The following STPG2 variants were observed in gnomAD, a reference collection of about 807,000 sequenced individuals.
STPG2 encodes the protein sperm tail PG-rich repeat containing 2.
A neutral mutation model predicts 54.2 loss-of-function variants in STPG2; 56 were observed. The observed-to-expected ratio is 1.03, with a 90% CI of 0.83 to 1.29. The LOEUF is 1.29. Among genes scored for constraint, STPG2 ranks in the 50% most tolerant of loss-of-function variants. STPG2 has a pLI of 0.00. For missense variants in STPG2, 596 were observed against 544.9 expected (o/e 1.09, Z -0.93); for synonymous variants, 200 against 181.8 (o/e 1.10, Z -0.81).
At chr4:97,571,419 TACGGC>T in intron 10 of STPG2, among the ~76,000 whole-genome samples, 1 of 152,258 alleles carries the variant, frequency 6.6e-6, no homozygotes, top group East Asian at 1.9e-4. Context: ...ATTATACCTC[TACGGC>T]ACTAACATCA....
chr4:97,801,502 AT>A (rs1727396511), intron 9 of STPG2, among the ~76,000 whole-genome samples: 1 of 152,114 alleles, frequency 6.6e-6, no homozygotes, highest in Admixed American at 6.5e-5. Context: ...TTGCACAACG[AT>A]TTCTTTTGCC....
chr4:98,054,278 C>T (rs1737416087), intron 5 of STPG2, among the ~76,000 whole-genome samples: 1 of 152,116 alleles, frequency 6.6e-6, no homozygotes, highest in African/African-American at 2.4e-5. Context: ...ACAAAAAGCA[C>T]AGGTGTTACT....
intron 4 of STPG2, among the ~76,000 whole-genome samples, chr4:97,511,155 A>G (rs2148840539): frequency 6.6e-6 from 1 of 152,244 alleles, no homozygotes; most frequent in African/African-American, 2.4e-5. Flanking sequence ...CTATAATCAA[A>G]ACAGAGACAC....
intron 9 of STPG2, among the ~76,000 whole-genome samples, chr4:97,796,377 A>C (rs955371406): frequency 6.6e-6 from 1 of 152,150 alleles, no homozygotes; most frequent in Non-Finnish European, 1.5e-5. Context: ...TAATTTTTTT[A>C]TAAGGTGTAA....
At chr4:98,043,397 T>C (rs1008051880) in intron 5 of STPG2, among the ~76,000 whole-genome samples, 5 of 152,216 alleles carry the variant, frequency 3.3e-5, no homozygotes, top group African/African-American at 9.6e-5. Context: ...TGTCTTGTAG[T>C]TCTTTTGTCC....
At chr4:97,706,355 T>C (rs1159708707) in intron 10 of STPG2, among the ~76,000 whole-genome samples, 4 of 152,280 alleles carry the variant, frequency 2.6e-5, no homozygotes, top group Admixed American at 1.3e-4. Context: ...TATTAGAAAG[T>C]TGGCATTTGT....
At chr4:98,024,071 G>C (rs1736333158) in intron 5 of STPG2, among the ~76,000 whole-genome samples, 1 of 152,204 alleles carries the variant, frequency 6.6e-6, no homozygotes, top group Admixed American at 6.5e-5. Context: ...TCCCTAGTGA[G>C]ATGAACCTGG....
chr4:97,814,579 G>C (rs909507060), intron 9 of STPG2, among the ~76,000 whole-genome samples: 24 of 152,100 alleles, frequency 1.6e-4, no homozygotes, highest in Non-Finnish European at 2.9e-4. Context: ...AACTTGATTG[G>C]ATTGAAGGAT....
chr4:97,910,855 C>T (rs1731651737), intron 8 of STPG2, among the ~76,000 whole-genome samples: 1 of 152,082 alleles, frequency 6.6e-6, no homozygotes, highest in Non-Finnish European at 1.5e-5. Context: ...AATTAGGGGG[C>T]AGGCCAAGAT....
At chr4:97,571,862 G>A (rs1157971963) in intron 10 of STPG2, among the ~76,000 whole-genome samples, 8 of 152,002 alleles carry the variant, frequency 5.3e-5, no homozygotes, top group Admixed American at 3.3e-4. Context: ...GACTCTTTTC[G>A]TTGACATATC....
At chr4:97,784,195 A>C (rs1387811969) in intron 9 of STPG2, among the ~76,000 whole-genome samples, 3 of 152,168 alleles carry the variant, frequency 2.0e-5, no homozygotes. Flanking sequence ...AATGAAGATT[A>C]TATGCTATAT....
intron 10 of STPG2, among the ~76,000 whole-genome samples, chr4:97,574,972 G>A (rs1171707285): frequency 3.3e-5 from 5 of 151,766 alleles, no homozygotes; most frequent in Non-Finnish European, 5.9e-5. Context: ...AAAATCACAC[G>A]GAAATACAAA....
intron 4 of STPG2, among the ~76,000 whole-genome samples, chr4:97,528,645 G>A (rs1041322558): frequency 4.0e-5 from 6 of 151,854 alleles, no homozygotes; most frequent in Non-Finnish European, 1.5e-5. Flanking sequence ...GGAATGTTTT[G>A]CCATTTGTTT....
At chr4:97,830,557 C>T (rs1490004335) in intron 9 of STPG2, among the ~76,000 whole-genome samples, 1 of 151,994 alleles carries the variant, frequency 6.6e-6, no homozygotes, top group Non-Finnish European at 1.5e-5. Context: ...GCTAAATGCC[C>T]CAATTAAAAG....
intron 4 of STPG2, among the ~76,000 whole-genome samples, chr4:97,443,507 C>A (rs1365739072): frequency 6.6e-6 from 1 of 151,968 alleles, no homozygotes; most frequent in Non-Finnish European, 1.5e-5. Flanking sequence ...GGCAGTTTCC[C>A]AGGATGGAAG....
intron 7 of STPG2, among the ~76,000 whole-genome samples, chr4:97,963,010 T>C (rs1387004179): frequency 1.3e-5 from 2 of 151,946 alleles, no homozygotes; most frequent in Non-Finnish European, 2.9e-5. Context: ...AATACAAAAA[T>C]TAGCCAGGCA....
At chr4:97,781,104 A>T (rs1165923680) in intron 9 of STPG2, among the ~76,000 whole-genome samples, 1 of 152,176 alleles carries the variant, frequency 6.6e-6, no homozygotes, top group Non-Finnish European at 1.5e-5. Context: ...AAGGAGATAG[A>T]GACACAAAAA....
chr4:97,722,964 A>ATTT (rs3974903), intron 9 of STPG2, among the ~76,000 whole-genome samples: 3 of 116,366 alleles, frequency 2.6e-5, no homozygotes, highest in Non-Finnish European at 3.5e-5. Flanking sequence ...CACCCGGCTA[A>ATTT]TTTTTTTTTT....
At chr4:97,756,669 G>A (rs1468825966) in intron 9 of STPG2, among the ~76,000 whole-genome samples, 4 of 151,940 alleles carry the variant, frequency 2.6e-5, no homozygotes, top group Non-Finnish European at 5.9e-5. Flanking sequence ...ACTTCAAGGG[G>A]GAAATTAGTG....
Sources: allele counts gnomAD v4.1 joint callset (sites outside exome capture counted in the v4.1 genomes callset), GRCh38; gene constraint gnomAD v4.1.1; transcripts MANE v1.5; gene names NCBI Gene and HGNC (gene_info 2026-07-23, HGNC 2026-07-21).